SHPRH: variants seen among roughly 807,000 people sequenced by gnomAD.
The protein encoded by SHPRH is E3 ubiquitin-protein ligase SHPRH.
Under a neutral mutation model 202.5 loss-of-function variants are expected in SHPRH, and 106 were observed. The ratio of observed to expected loss-of-function variants is 0.52; its 90% confidence interval spans 0.45 to 0.62. The LOEUF (loss-of-function observed/expected upper bound fraction) is 0.62. Among genes scored for constraint, SHPRH ranks in the 20% least tolerant of loss-of-function variants. SHPRH has a pLI of 0.00. For synonymous variants in SHPRH, 729 were observed against 686.0 expected (o/e 1.06, Z -0.98); for missense variants, 1,710 against 2,020.0 (o/e 0.85, Z 2.94).
intron 23 of SHPRH, chr6:145,917,632 A>G (rs1784072120): frequency 6.6e-6 from 1 of 152,022 alleles, no homozygotes; most frequent in South Asian, 2.1e-4. Flanking sequence ...TTAATCAATG[A>G]CCCACCAATT....
chr6:145,861,745 A>G (rs34682006), downstream of SHPRH, among the ~76,000 whole-genome samples: 54 of 152,202 alleles, frequency 3.5e-4, no homozygotes, highest in Non-Finnish European at 7.2e-4. Context: ...ACATGTATGT[A>G]TACATATACA....
At chr6:145,876,419 A>G (rs907463436) in intron 2 of SHPRH, among the ~76,000 whole-genome samples, 6 of 152,238 alleles carry the variant, frequency 3.9e-5, no homozygotes, top group African/African-American at 1.4e-4. Flanking sequence ...TCTTATAAAC[A>G]GAAATATACA....
intron 25 of SHPRH, chr6:145,904,877 C>A (rs997900356): frequency 6.6e-6 from 1 of 151,962 alleles, no homozygotes; most frequent in Non-Finnish European, 1.5e-5. Flanking sequence ...TGAAAGACAG[C>A]GAGAAGTGAG....
chr6:145,922,565 GA>G (rs1784515872), intron 19 of SHPRH, 97 bp downstream of exon 19: 2 of 1,418,594 alleles, frequency 1.4e-6, no homozygotes, highest in East Asian at 2.5e-5. Flanking sequence ...CAATTAAAAT[GA>G]AAAAACCTTT....
At position 145,916,809 on chromosome 6, in the gene SHPRH, A is replaced by C. The variant is rs1418969185; in HGVS notation, c.4254+1322T>G. Among the ~76,000 whole-genome samples the C allele has an allele frequency of 3.9e-5, 6 of 151,984 alleles. 1 individual carries two copies. The South Asian group carries it at 6.2e-4, about 16-fold the overall frequency. On this transcript the variant is annotated intron_variant, in intron 23 of 29. Coordinates refer to ENST00000275233, the MANE Select transcript of SHPRH (RefSeq NM_001042683.3). ...TGTTATCTTTTTTTTTTGAGATGGA[A>C]TCTCGCTCTGTCGCCTAGGCTGGAG...
At position 145,950,423 on chromosome 6, in the gene SHPRH, C is replaced by G; in HGVS notation, c.823G>C (p.Glu275Gln). Residue 275 changes from glutamate (E) to glutamine (Q), a missense_variant, in exon 4 of 30, where the codon GAG becomes CAG. Transcript: ENST00000275233. ...GTTTGTTTCACAAAGTGATACAGCT[C>G]GTCAATGTCTTGTCCCTCTGGCTCA... ...ESEPEGQDID[E>Q]LYHFVKQTHQ... is the part of the protein sequence containing the mutation. 6.2e-7 allele frequency: 1 copy of G among 1,613,212 alleles called. No homozygotes were observed.
At chr6:145,923,568 TTAGAAAC>T (rs1396495249) in intron 18 of SHPRH, 68 bp downstream of exon 18, 1 of 1,547,060 alleles carries the variant, frequency 6.5e-7, no homozygotes, top group Non-Finnish European at 8.7e-7. Context: ...TAATGAGAAA[TTAGAAAC>T]TAGAAAATAC....
intron 2 of SHPRH, among the ~76,000 whole-genome samples, chr6:145,878,522 A>G (rs1398203730): frequency 2.0e-5 from 3 of 152,170 alleles, no homozygotes; most frequent in Non-Finnish European, 4.4e-5. Context: ...GCTGTTGATC[A>G]TCTTTTCATG....
At chr6:145,881,960 G>A (rs1407565467), downstream of SHPRH, among the ~76,000 whole-genome samples, 2 of 151,996 alleles carry the variant, frequency 1.3e-5, no homozygotes, top group African/African-American at 4.8e-5. Flanking sequence ...ACCAGGTGTG[G>A]TGGTGCATGT....
chr6:145,873,877 T>A (rs1281938672), intron 2 of SHPRH, among the ~76,000 whole-genome samples: 1 of 151,998 alleles, frequency 6.6e-6, no homozygotes, highest in Non-Finnish European at 1.5e-5. Context: ...TATCACAAAG[T>A]GATATTATGT....
In SHPRH at chr6:145,940,721, A is replaced by C. The variant is rs759221368; in HGVS notation, c.2569+2T>G. On this transcript the variant is annotated splice_donor_variant, in intron 11 of 29. Coordinates refer to ENST00000275233, the MANE Select transcript of SHPRH (RefSeq NM_001042683.3). LOFTEE classifies it high-confidence loss of function. Reference sequence around the variant, plus strand: ...GCAATATGTGAGGAAACCATACATTACCCTCTAATCCTCTCTGTACTGGAG... The same window carrying C: ...GCAATATGTGAGGAAACCATACATTCCCCTCTAATCCTCTCTGTACTGGAG... 83 of 1,613,270 alleles carry C rather than the reference A, an allele frequency of 5.1e-5. No individual in the cohort carries two copies. The highest frequency in any genetic ancestry group is 7.0e-5 in the Non-Finnish European group (83 of 1,179,508).
chr6:145,947,620 G>A lies in SHPRH; in HGVS notation c.1085C>T (p.Ser362Phe), dbSNP rs774802925. The A allele has an allele frequency of 4.3e-6, 7 of 1,612,502 alleles. No individual in the cohort carries two copies. Among genetic ancestry groups the A allele is most frequent in the Non-Finnish European group, 5.9e-6 (7 of 1,179,084 alleles). ...AATTCCACCAAGCAACTGCGGCCCA[G>A]AATTTGGGTACTCACGAATGATGCT... ...TGCIIREYPN[S>F]GPQLLGGILA... The change falls in exon 6 of 30, where the codon TCT (serine) becomes TTT (phenylalanine). Residue 362 changes from serine to phenylalanine, a missense_variant. Ser to Phe is a radical substitution (Grantham distance 155). Coordinates refer to ENST00000275233, the MANE Select transcript of SHPRH (RefSeq NM_001042683.3).
intron 18 of SHPRH, 83 bp from the exon 19 acceptor site, chr6:145,922,919 A>C (rs1045494483): frequency 1.4e-6 from 2 of 1,444,780 alleles, no homozygotes; most frequent in African/African-American, 1.5e-5. Flanking sequence ...TGGTTGCCAA[A>C]CAAAGTGTTA....
intron 25 of SHPRH, among the ~76,000 whole-genome samples, chr6:145,901,850 T>C (rs1421671674): frequency 6.6e-6 from 1 of 152,092 alleles, no homozygotes; most frequent in Non-Finnish European, 1.5e-5. Flanking sequence ...TTTGTGCTTA[T>C]TGCTTGGTTT....
intron 5 of SHPRH, among the ~76,000 whole-genome samples, chr6:145,948,067 T>C (rs1041023676): frequency 6.6e-6 from 1 of 152,080 alleles, no homozygotes; most frequent in Non-Finnish European, 1.5e-5. Flanking sequence ...AAGCACCTTA[T>C]GTCTATTATT....
intron 2 of SHPRH, among the ~76,000 whole-genome samples, chr6:145,953,367 G>A (rs1316660539): frequency 6.6e-6 from 1 of 151,990 alleles, no homozygotes; most frequent in African/African-American, 2.4e-5. Flanking sequence ...TTCAGGATCA[G>A]GAAAAACAGA....
intron 18 of SHPRH, 79 bp from the exon 19 acceptor site, chr6:145,922,915 C>G: frequency 1.4e-6 from 2 of 1,423,358 alleles, no homozygotes; most frequent in Non-Finnish European, 1.8e-6. Flanking sequence ...AGAATGGTTG[C>G]CAAACAAAGT....
In SHPRH at chr6:145,952,492, A is replaced by G; in HGVS notation, c.634-14T>C. 1 of 1,594,538 alleles carries G rather than the reference A, an allele frequency of 6.3e-7. No homozygotes were observed. Among genetic ancestry groups the G allele is most frequent in the Middle Eastern group, 1.7e-4 (1 of 5,920 alleles). Reference sequence around the variant, plus strand: ...ATAAATTCCAACCTAAAAACAATTAATCAAAATAAAAGTAGTTTCATTTGA... The same window carrying G: ...ATAAATTCCAACCTAAAAACAATTAGTCAAAATAAAAGTAGTTTCATTTGA... On this transcript the variant is annotated splice_polypyrimidine_tract_variant and intron_variant, in intron 2 of 29. Coordinates refer to ENST00000275233, the MANE Select transcript of SHPRH (RefSeq NM_001042683.3).
chr6:145,943,247 G>T lies in SHPRH; in HGVS notation c.2134C>A (p.Pro712Thr), dbSNP rs1262432964. 1 of 1,613,772 alleles carries T rather than the reference G, an allele frequency of 6.2e-7. No homozygotes were observed. Among genetic ancestry groups the T allele is most frequent in the Non-Finnish European group, 8.5e-7 (1 of 1,179,894 alleles). ...ATCAGAGTTGCTCTTGTTGACACTGGTTCCATTGCAACAAGGCAGTGGGGG... is the reference window on the plus strand; with the variant it reads ...ATCAGAGTTGCTCTTGTTGACACTGTTTCCATTGCAACAAGGCAGTGGGGG... Reference protein sequence around the residue: ...YCPHCLVAMEPVSTRATLIIS... With the variant: ...YCPHCLVAMETVSTRATLIIS... The change falls in exon 9 of 30, where the codon CCA becomes ACA. Residue 712 changes from proline (P) to threonine (T), a missense_variant. Coordinates refer to ENST00000275233, the MANE Select transcript of SHPRH (RefSeq NM_001042683.3).
Sources: gnomAD v4.1 joint callset for allele counts (sites outside exome capture counted in the v4.1 genomes callset) on GRCh38, gnomAD v4.1.1 for gene constraint, MANE v1.5 for transcripts, NCBI Gene and HGNC (gene_info 2026-07-23, HGNC 2026-07-21) for gene names.